VPS4B: variants seen among roughly 807,000 people sequenced by gnomAD.
VPS4B encodes vacuolar protein sorting-associated protein 4B.
VPS4B carries 23 observed loss-of-function variants against 56.1 expected under a neutral mutation model. The ratio of observed to expected loss-of-function variants is 0.41; its 90% CI spans 0.30 to 0.58. The LOEUF (loss-of-function observed/expected upper bound fraction) is 0.58, where lower values mean the gene tolerates loss of function less well. Among genes scored for constraint, VPS4B ranks in the 20% least tolerant of loss-of-function variants. The pLI, the probability that VPS4B is intolerant of heterozygous loss-of-function variation, is 0.29. For synonymous variants in VPS4B, 177 were observed against 186.0 expected (o/e 0.95, Z 0.39); for missense variants, 372 against 531.9 (o/e 0.70, Z 2.96).
At chr18:63,413,975 C>T (rs1453214721) in intron 1 of VPS4B, among the ~76,000 whole-genome samples, 15 of 152,180 alleles carry the variant, frequency 9.9e-5, no homozygotes, top group Non-Finnish European at 2.9e-5. Flanking sequence ...CAAGTTTTAT[C>T]AGCTAGTATA....
intron 3 of VPS4B, among the ~76,000 whole-genome samples, chr18:63,409,187 A>G (rs760130575): frequency 1.8e-4 from 28 of 152,206 alleles, no homozygotes; most frequent in Non-Finnish European, 3.5e-4. Context: ...CCCCGATCAC[A>G]TCTTGAACAG....
chr18:63,409,745 A>C (rs1452498223), intron 3 of VPS4B, among the ~76,000 whole-genome samples: 2 of 152,266 alleles, frequency 1.3e-5, no homozygotes, highest in Non-Finnish European at 2.9e-5. Flanking sequence ...AAGCAAATCT[A>C]ACACAAATTC....
chr18:63,389,891 A>G lies in VPS4B; in HGVS notation c.*1084T>C, dbSNP rs1915504998. 1 of 152,780 alleles carries G rather than the reference A, an allele frequency of 6.5e-6. No homozygotes were observed. The highest frequency in any genetic ancestry group is 2.1e-4 in the South Asian group (1 of 4,834). The allele number at this position is 152,780 out of a possible 1,614,324, so 9.5% of individuals were successfully genotyped here. On this transcript the variant is annotated 3_prime_UTR_variant, in exon 11 of 11. Transcript: ENST00000238497. The stretch of plus-strand genomic sequence containing the variant: ...GTATTTCATGACAGTTAAAAATTAC[A>G]CACCTACCACCTGTTTTGGTCAATC...
chr18:63,393,552 G>T lies in VPS4B; in HGVS notation c.1093-3C>A. On this transcript the variant is annotated splice_region_variant and splice_polypyrimidine_tract_variant and intron_variant, in intron 9 of 10. Transcript: ENST00000238497. ...TCAGCTCGGGAAGGTCCGCGAACCT[G>T]AAATAAACAGTAATCTGAAATATGT... 6.4e-7 allele frequency: 1 copy of T among 1,568,014 alleles called. No homozygotes were observed. The highest frequency in any genetic ancestry group is 1.2e-5 in the South Asian group (1 of 82,230).
At chr18:63,403,875 A>C in intron 4 of VPS4B, 49 bp from the exon 5 acceptor site, 3 of 1,566,026 alleles carry the variant, frequency 1.9e-6, no homozygotes, top group Non-Finnish European at 1.7e-6. Context: ...ATTTCACCAA[A>C]GTTAGAAGAC....
intron 4 of VPS4B, among the ~76,000 whole-genome samples, chr18:63,404,264 G>T (rs980157440): frequency 7.2e-5 from 11 of 151,798 alleles, no homozygotes; most frequent in Non-Finnish European, 1.2e-4. Flanking sequence ...AAGAAAAGGT[G>T]ATCTAATCCT....
At chr18:63,401,004 G>A (rs4603674) in intron 5 of VPS4B, among the ~76,000 whole-genome samples, 78,843 of 152,076 alleles carry the variant, frequency 0.52, 21,163 homozygotes, top group East Asian at 0.87. Flanking sequence ...TCTGCCCTGC[G>A]TGGAGTCTAG....
intron 1 of VPS4B, 26 bp downstream of exon 1, chr18:63,422,207 G>T: frequency 1.3e-6 from 2 of 1,496,646 alleles, no homozygotes; most frequent in South Asian, 1.3e-5. Context: ...CAGCTCCCTA[G>T]GGGGACGGGA....
chr18:63,411,981 A>ATTAATATAACAATATT (rs1916055275), intron 1 of VPS4B, among the ~76,000 whole-genome samples: 2 of 152,212 alleles, frequency 1.3e-5, no homozygotes, highest in African/African-American at 4.8e-5. Context: ...TTAATCTAAA[A>ATTAATATAACAATATT]GATATAACAA....
chr18:63,399,378 CT>C, intron 7 of VPS4B, 55 bp from the exon 8 acceptor site: 1 of 1,470,446 alleles, frequency 6.8e-7, no homozygotes, highest in Non-Finnish European at 9.5e-7. Context: ...GTTCTTTAAA[CT>C]TCTTCCATAT....
intron 4 of VPS4B, chr18:63,404,843 C>A (rs899185890): frequency 2.0e-5 from 3 of 151,928 alleles, no homozygotes; most frequent in African/African-American, 7.3e-5. Context: ...AACTTACTTC[C>A]CTAAATTATG....
chr18:63,413,469 G>A (rs1475244751), intron 1 of VPS4B, among the ~76,000 whole-genome samples: 1 of 151,370 alleles, frequency 6.6e-6, no homozygotes, highest in Non-Finnish European at 1.5e-5. Context: ...AACCCGGGAG[G>A]CGGTGGTTGC....
At position 63,422,249 on chromosome 18, in the gene VPS4B, G is replaced by A. The variant is rs373658563; in HGVS notation, c.11C>T (p.Thr4Ile). Reference protein sequence around the residue: MSSTSPNLQKAIDL... With the variant: MSSISPNLQKAIDL... Reference sequence around the variant, plus strand: ...CAATGATACCTGGAGGTTGGGCGAAGTGGATGACATGGCGGAGTTCCCAGG... The same window carrying A: ...CAATGATACCTGGAGGTTGGGCGAAATGGATGACATGGCGGAGTTCCCAGG... Residue 4 changes from threonine (T) to isoleucine (I), a missense_variant, in exon 1 of 11, where the codon ACT becomes ATT. Thr to Ile is a moderately conservative substitution (Grantham distance 89). Around this residue, in one of 3 missense-constraint regions of VPS4B, gnomAD observed 153 missense variants for 190.3 expected, o/e 0.80. Coordinates refer to ENST00000238497, the MANE Select transcript of VPS4B (RefSeq NM_004869.4). The A allele has an allele frequency of 6.6e-7, 1 of 1,514,278 alleles. No homozygotes were observed. Among genetic ancestry groups the A allele is most frequent in the East Asian group, 2.7e-5 (1 of 37,124 alleles). 93.8% of individuals were successfully genotyped at this position (1,514,278 alleles called of 1,614,324 possible). A position where few individuals can be genotyped will look rare whatever the true frequency, so the allele number is the denominator to read the frequency against.
At chr18:63,392,108 A>G (rs1281410675) in intron 10 of VPS4B, among the ~76,000 whole-genome samples, 3 of 152,204 alleles carry the variant, frequency 2.0e-5, no homozygotes, top group Admixed American at 6.5e-5. Context: ...ATTTACATGT[A>G]TATCTATGTA....
Position 63,407,450 on chromosome 18 carries a change from GTTTC to G in VPS4B, c.342_345del (p.Lys114AsnfsTer12), listed in dbSNP as rs1568088056. 2 of 1,608,966 alleles carry G rather than the reference GTTTC, an allele frequency of 1.2e-6. No homozygotes were observed. Among genetic ancestry groups the G allele is most frequent in the Non-Finnish European group, 1.7e-6 (2 of 1,178,406 alleles). On this transcript the variant is annotated frameshift_variant, in exon 4 of 11. Coordinates refer to ENST00000238497, the MANE Select transcript of VPS4B (RefSeq NM_004869.4). LOFTEE classifies it high-confidence loss of function. ...AAGCAACCTTGAAGTTGATTCTGTAGTTTCTTTTTTTCAGGATCATCAGATTCTC... is the reference window on the plus strand; with the variant it reads ...AAGCAACCTTGAAGTTGATTCTGTAGTTTTTTTCAGGATCATCAGATTCTC...
chr18:63,415,167 T>C (rs1023781348), intron 1 of VPS4B: 6 of 152,432 alleles, frequency 3.9e-5, no homozygotes, highest in African/African-American at 1.4e-4. Context: ...ACATTTTTCA[T>C]CTGAAATAAA....
At position 63,400,046 on chromosome 18, in the gene VPS4B, A is replaced by C; in HGVS notation, c.790+2T>G. 6.2e-7 allele frequency: 1 copy of C among 1,600,590 alleles called. No homozygotes were observed. Among genetic ancestry groups the C allele is most frequent in the East Asian group, 2.2e-5 (1 of 44,704 alleles). On this transcript the variant is annotated splice_donor_variant, in intron 7 of 10. Coordinates refer to ENST00000238497, the MANE Select transcript of VPS4B (RefSeq NM_004869.4). LOFTEE classifies it high-confidence loss of function. ...AAAGAAAAAAAAAATTAGTAACACT[A>C]CCTTGCATTTGCACTAGGAACTCCG... is the stretch of plus-strand genomic sequence containing the variant.
rs771753062 is a variant in VPS4B at position 63,411,524 on chromosome 18, C to T, written c.82G>A (p.Glu28Lys). 19 of 1,603,512 alleles carry T rather than the reference C, an allele frequency of 1.2e-5. No individual in the cohort carries two copies. The highest frequency in any genetic ancestry group is 6.7e-5 in the African/African-American group (5 of 74,748). Residue 28 changes from glutamate to lysine, a missense_variant, in exon 2 of 11, where the codon GAA becomes AAA. This residue lies in a region of VPS4B where 153 missense variants were observed against 190.3 expected (regional missense o/e 0.80). Transcript: ENST00000238497. ...AAQEDKAGNY[E>K]EALQLYQHAV... ...TGCTGATAGAGCTGAAGGGCTTCTT[C>T]GTAGTTCCCAGCCTTGTCTTCTTGC...
At chr18:63,414,607 G>C (rs1450796487) in intron 1 of VPS4B, among the ~76,000 whole-genome samples, 3 of 151,554 alleles carry the variant, frequency 2.0e-5, no homozygotes, top group Non-Finnish European at 4.4e-5. Flanking sequence ...GCTAATTTTT[G>C]TATTTTTAGT....
Sources: allele counts gnomAD v4.1 joint callset (sites outside exome capture counted in the v4.1 genomes callset), GRCh38; gene constraint gnomAD v4.1.1; regional missense constraint gnomAD v4.1.1; transcripts MANE v1.5; gene names NCBI Gene and HGNC (gene_info 2026-07-23, HGNC 2026-07-21).